DCAF6: variants seen among roughly 807,000 people sequenced by gnomAD.
DCAF6 encodes DDB1 and CUL4 associated factor 6.
DCAF6 carries 54 observed loss-of-function variants against 125.1 expected under a neutral mutation model. The ratio of observed to expected loss-of-function variants is 0.43; its 90% CI spans 0.35 to 0.54. The LOEUF (loss-of-function observed/expected upper bound fraction) is 0.54, where lower values mean the gene tolerates loss of function less well. Ranked by LOEUF, DCAF6 falls within the 20% of genes least tolerant of loss-of-function variation. The pLI is 0.01. For missense variants in DCAF6, 934 were observed against 1,161.7 expected (o/e 0.80, Z 2.85); for synonymous variants, 371 against 390.4 (o/e 0.95, Z 0.58).
At chr1:167,943,784 T>G (rs568158886) in intron 1 of DCAF6, among the ~76,000 whole-genome samples, 77 of 152,324 alleles carry the variant, frequency 5.1e-4, no homozygotes, top group African/African-American at 1.7e-3. Flanking sequence ...GCCTGGTTTG[T>G]TTAACCTAAG....
intron 2 of DCAF6, among the ~76,000 whole-genome samples, chr1:167,957,520 T>A (rs191333550): frequency 1.3e-5 from 2 of 152,288 alleles, no homozygotes; most frequent in Non-Finnish European, 2.9e-5. Context: ...CCACATTTAA[T>A]CTGTTCATCA....
intron 16 of DCAF6, 143 bp from the exon 17 acceptor site, chr1:168,050,749 T>G (rs867281707): frequency 1.7e-5 from 7 of 419,428 alleles, no homozygotes; most frequent in African/African-American, 1.0e-4. Flanking sequence ...ATTCCTTGCT[T>G]AATGCCCGAA....
chr1:168,016,012 G>A, intron 11 of DCAF6, 61 bp downstream of exon 11: 1 of 1,293,794 alleles, frequency 7.7e-7, no homozygotes, highest in Non-Finnish European at 1.0e-6. Flanking sequence ...CTGCTACTGT[G>A]TAATAAGGTG....
the DCAF6 span, among the ~76,000 whole-genome samples, chr1:167,900,756 T>C: frequency 6.6e-6 from 1 of 152,182 alleles, no homozygotes; most frequent in Admixed American, 6.5e-5. Flanking sequence ...GGTCTCAAAC[T>C]CCTGACCTCA....
intron 3 of DCAF6, among the ~76,000 whole-genome samples, 186 bp downstream of exon 3, chr1:167,966,907 C>T (rs1676500561): frequency 6.6e-6 from 1 of 152,012 alleles, no homozygotes; most frequent in African/African-American, 2.4e-5. Context: ...CTTAGGGAAA[C>T]AAGATTTTAT....
chr1:167,874,601 C>G, the DCAF6 span, among the ~76,000 whole-genome samples: 1 of 152,152 alleles, frequency 6.6e-6, no homozygotes, highest in African/African-American at 2.4e-5. Flanking sequence ...TTCAGTCCTA[C>G]GTTTTACTCC....
At chr1:167,979,668 C>T (rs975854370) in intron 4 of DCAF6, among the ~76,000 whole-genome samples, 4 of 152,092 alleles carry the variant, frequency 2.6e-5, no homozygotes, top group African/African-American at 7.2e-5. Context: ...GGGCAGATCA[C>T]TTGAGGTTAG....
chr1:167,910,117 C>A, the DCAF6 span, among the ~76,000 whole-genome samples: 2 of 152,186 alleles, frequency 1.3e-5, no homozygotes, highest in Admixed American at 1.3e-4. Context: ...ATGCTCCCAG[C>A]CGAATAAAGC....
the DCAF6 span, among the ~76,000 whole-genome samples, chr1:167,899,094 A>T: frequency 2.0e-5 from 3 of 152,194 alleles, no homozygotes; most frequent in South Asian, 6.2e-4. Flanking sequence ...CAGCCTTTAA[A>T]ACTATTCCCC....
chr1:167,899,588 A>T, the DCAF6 span: 1 of 1,614,168 alleles, frequency 6.2e-7, no homozygotes, highest in Non-Finnish European at 8.5e-7. Context: ...TGTGTGTTTC[A>T]TCTCCAAAGA....
intron 3 of DCAF6, among the ~76,000 whole-genome samples, chr1:167,971,701 T>C (rs888707636): frequency 4.6e-5 from 7 of 152,206 alleles, no homozygotes; most frequent in South Asian, 2.1e-4. Flanking sequence ...ATTGCAATTA[T>C]CAATATGTTA....
At chr1:168,004,382 G>T in intron 9 of DCAF6, 151 bp from the exon 10 acceptor site, 1 of 860,602 alleles carries the variant, frequency 1.2e-6, no homozygotes, top group Non-Finnish European at 1.8e-6. Flanking sequence ...GGCCTATTTT[G>T]TCAAATGGGC....
chr1:167,987,094 G>A (rs544466849), intron 4 of DCAF6, among the ~76,000 whole-genome samples: 63 of 152,116 alleles, frequency 4.1e-4, no homozygotes, highest in Non-Finnish European at 7.8e-4. Context: ...TGTCTTAAAC[G>A]TTACCAGAGA....
chr1:167,935,437 C>A (rs1023452126), upstream of DCAF6, among the ~76,000 whole-genome samples: 2 of 152,118 alleles, frequency 1.3e-5, no homozygotes, highest in African/African-American at 2.4e-5. Flanking sequence ...GTTTGGTGGC[C>A]GCAGAAGTTG....
At chr1:167,902,985 T>A in the DCAF6 span, among the ~76,000 whole-genome samples, 1 of 152,270 alleles carries the variant, frequency 6.6e-6, no homozygotes, top group East Asian at 1.9e-4. Flanking sequence ...CCAGGCATGG[T>A]GGCTTACGCC....
intron 12 of DCAF6, among the ~76,000 whole-genome samples, chr1:168,031,116 T>G (rs1687027348): frequency 6.6e-6 from 1 of 152,138 alleles, no homozygotes; most frequent in African/African-American, 2.4e-5. Flanking sequence ...AGAAAGAAAT[T>G]TGGGAGATTT....
At chr1:167,946,265 G>GT (rs781755247) in intron 1 of DCAF6, among the ~76,000 whole-genome samples, 1 of 152,088 alleles carries the variant, frequency 6.6e-6, no homozygotes, top group Non-Finnish European at 1.5e-5. Context: ...AAATCTAAGA[G>GT]TTTTTGTGGG....
intron 2 of DCAF6, 83 bp downstream of exon 2, chr1:167,951,944 A>G: frequency 1.2e-6 from 1 of 832,690 alleles, no homozygotes; most frequent in Non-Finnish European, 2.0e-6. Flanking sequence ...ATCCTCCCAG[A>G]AAGGATTGTG....
the DCAF6 span, among the ~76,000 whole-genome samples, chr1:167,898,772 G>A: frequency 1.3e-5 from 2 of 152,110 alleles, no homozygotes; most frequent in Admixed American, 1.3e-4. Flanking sequence ...ACCAGCATCT[G>A]CACGGATTCT....
Sources: gnomAD v4.1 joint callset for allele counts (sites outside exome capture counted in the v4.1 genomes callset) on GRCh38, gnomAD v4.1.1 for gene constraint, MANE v1.5 for transcripts, NCBI Gene and HGNC (gene_info 2026-07-23, HGNC 2026-07-21) for gene names.